LRRTM4: variants seen among roughly 807,000 people sequenced by gnomAD.
LRRTM4 encodes the protein leucine-rich repeat transmembrane neuronal protein 4.
A neutral mutation model predicts 47.6 loss-of-function variants in LRRTM4; 25 were observed. The observed-to-expected ratio is 0.53, with a 90% CI of 0.38 to 0.73. The LOEUF is 0.73. Among genes scored for constraint, LRRTM4 ranks in the 30% least tolerant of loss-of-function variants. The pLI is 0.00. For missense variants in LRRTM4, 638 were observed against 713.4 expected (o/e 0.89, Z 1.20); for synonymous variants, 311 against 269.5 (o/e 1.15, Z -1.51).
At chr2:76,902,242 C>T (rs995993513) in intron 3 of LRRTM4, among the ~76,000 whole-genome samples, 8 of 152,160 alleles carry the variant, frequency 5.3e-5, no homozygotes, top group Admixed American at 2.0e-4. Flanking sequence ...CCTCTGGCTA[C>T]ACCCAGATAT....
intron 3 of LRRTM4, among the ~76,000 whole-genome samples, chr2:77,198,813 C>T (rs181902632): frequency 6.6e-5 from 10 of 152,296 alleles, no homozygotes; most frequent in Admixed American, 5.9e-4. Context: ...CTTAGGCAAA[C>T]AGAGCCAGAG....
At position 77,047,777 on chromosome 2, in the gene LRRTM4, G is replaced by C. The variant is rs188767265; in HGVS notation, c.1552-298861C>G. ...TTAGGATTTTATCATCTGAATTTTA[G>C]AAGGACAAATTTCAACTCATAACAT... On this transcript the variant is annotated intron_variant, in intron 3 of 3. Coordinates refer to ENST00000409884, the MANE Select transcript of LRRTM4 (RefSeq NM_001134745.3). 3.1e-3 allele frequency among the ~76,000 whole-genome samples: 472 copies of C among 152,106 alleles called. 7 individuals are homozygous for C. Among genetic ancestry groups the C allele is most frequent in the African/African-American group, 0.011 (449 of 41,516 alleles).
intron 2 of LRRTM4, among the ~76,000 whole-genome samples, chr2:77,520,749 T>C (rs904857929): frequency 1.5e-4 from 23 of 152,086 alleles, no homozygotes; most frequent in African/African-American, 5.5e-4. Context: ...CCCTGATCTC[T>C]TCACATTTCT....
At chr2:77,168,194 T>G (rs1057313447) in intron 3 of LRRTM4, among the ~76,000 whole-genome samples, 4 of 152,150 alleles carry the variant, frequency 2.6e-5, no homozygotes, top group Non-Finnish European at 4.4e-5. Flanking sequence ...AAAGATTTCA[T>G]GTATTATTCC....
chr2:76,767,892 G>T (rs1673521136), intron 3 of LRRTM4, among the ~76,000 whole-genome samples: 1 of 152,128 alleles, frequency 6.6e-6, no homozygotes, highest in Non-Finnish European at 1.5e-5. Flanking sequence ...CAAACCATCA[G>T]CAGCAGAAAG....
At chr2:77,071,081 AGT>A (rs1680139638) in intron 3 of LRRTM4, among the ~76,000 whole-genome samples, 1 of 152,190 alleles carries the variant, frequency 6.6e-6, no homozygotes, top group South Asian at 2.1e-4. Context: ...CTTTGGGAAT[AGT>A]ACACGTAGGT....
intron 3 of LRRTM4, among the ~76,000 whole-genome samples, chr2:77,123,728 T>C (rs1186820020): frequency 1.3e-5 from 2 of 152,148 alleles, no homozygotes; most frequent in African/African-American, 2.4e-5. Context: ...ATATTTGTTA[T>C]ATTAATGCAT....
chr2:76,802,371 T>G (rs993151764), intron 3 of LRRTM4, among the ~76,000 whole-genome samples: 10 of 152,070 alleles, frequency 6.6e-5, no homozygotes, highest in Non-Finnish European at 1.5e-4. Flanking sequence ...ACTATTCCAT[T>G]TACAATATCT....
chr2:77,126,766 T>A (rs1671662541), intron 3 of LRRTM4, among the ~76,000 whole-genome samples: 1 of 152,160 alleles, frequency 6.6e-6, no homozygotes, highest in African/African-American at 2.4e-5. Context: ...GAACAAAGTA[T>A]ACGAAAGTTT....
intron 3 of LRRTM4, among the ~76,000 whole-genome samples, chr2:77,235,684 T>C (rs746749353): frequency 6.6e-6 from 1 of 152,168 alleles, no homozygotes; most frequent in Non-Finnish European, 1.5e-5. Flanking sequence ...CTTGAGTTAA[T>C]TACTGTATAT....
chr2:76,809,191 C>T (rs1406238705), intron 3 of LRRTM4, among the ~76,000 whole-genome samples: 1 of 152,148 alleles, frequency 6.6e-6, no homozygotes, highest in African/African-American at 2.4e-5. Context: ...ATAACATTAA[C>T]ATCCTTTTAT....
At chr2:77,084,952 A>T (rs937220128) in intron 3 of LRRTM4, among the ~76,000 whole-genome samples, 1 of 152,196 alleles carries the variant, frequency 6.6e-6, no homozygotes, top group Admixed American at 6.5e-5. Context: ...AAATTTCAAA[A>T]ATCTATTGTA....
At chr2:77,518,032 C>T in intron 3 of LRRTM4, 3 of 1,137,302 alleles carry the variant, frequency 2.6e-6, no homozygotes, top group Non-Finnish European at 3.2e-6. Context: ...GTTTTTAAGT[C>T]CAACCCCTGT....
intron 3 of LRRTM4, among the ~76,000 whole-genome samples, chr2:77,263,408 T>C (rs1313833094): frequency 6.6e-6 from 1 of 152,088 alleles, no homozygotes; most frequent in Non-Finnish European, 1.5e-5. Flanking sequence ...GGTAACCAAG[T>C]TGGACAGATG....
intron 3 of LRRTM4, among the ~76,000 whole-genome samples, chr2:76,922,472 T>TC (rs1386963241): frequency 6.6e-6 from 1 of 151,798 alleles, no homozygotes; most frequent in East Asian, 1.9e-4. Context: ...GATTCAATCA[T>TC]CCCCCCACCA....
intron 3 of LRRTM4, among the ~76,000 whole-genome samples, chr2:77,275,077 C>T (rs1676306385): frequency 6.6e-6 from 1 of 151,994 alleles, no homozygotes; most frequent in African/African-American, 2.4e-5. Flanking sequence ...AGGGAAGAGA[C>T]ATAAGAGAAA....
chr2:77,314,103 G>T (rs892207282), intron 3 of LRRTM4, among the ~76,000 whole-genome samples: 1 of 152,098 alleles, frequency 6.6e-6, no homozygotes, highest in Non-Finnish European at 1.5e-5. Context: ...ATTGTAAGGA[G>T]CAAACTCACG....
chr2:77,393,110 C>T (rs561433223), intron 3 of LRRTM4, among the ~76,000 whole-genome samples: 1 of 152,076 alleles, frequency 6.6e-6, no homozygotes, highest in South Asian at 2.1e-4. Context: ...TCGTAATTCT[C>T]TTTTTTCATC....
At chr2:76,775,754 T>A (rs1013218882) in intron 3 of LRRTM4, among the ~76,000 whole-genome samples, 78 of 152,182 alleles carry the variant, frequency 5.1e-4, no homozygotes, top group Non-Finnish European at 9.4e-4. Flanking sequence ...TCTCTTTTTT[T>A]TAAATTTATT....
Sources: allele counts gnomAD v4.1 joint callset (sites outside exome capture counted in the v4.1 genomes callset), GRCh38; gene constraint gnomAD v4.1.1; transcripts MANE v1.5; gene names NCBI Gene and HGNC (gene_info 2026-07-23, HGNC 2026-07-21).